The following GNB4 variants were observed in gnomAD, a reference collection of about 807,000 sequenced individuals.
GNB4 encodes guanine nucleotide-binding protein subunit beta-4.
GNB4 carries 28 observed loss-of-function variants against 45.2 expected under a neutral mutation model. That is an observed-to-expected ratio of 0.62 (90% CI 0.46 to 0.85). GNB4 has a LOEUF of 0.85. Ranked by LOEUF, GNB4 falls within the 40% of genes least tolerant of loss-of-function variation. The pLI, the probability that GNB4 is intolerant of heterozygous loss-of-function variation, is 0.00. For missense variants in GNB4, 321 were observed against 425.4 expected, an observed-to-expected ratio of 0.75 and a Z score of 2.16; for synonymous variants, 132 against 143.7, an observed-to-expected ratio of 0.92 and a Z score of 0.58.
At chr3:179,407,777 G>A (rs201924974) in intron 8 of GNB4, among the ~76,000 whole-genome samples, 3 of 151,728 alleles carry the variant, frequency 2.0e-5, no homozygotes, top group Non-Finnish European at 4.4e-5. Context: ...AGCTGCAAAA[G>A]ACACCCAAAA....
the GNB4 span, among the ~76,000 whole-genome samples, chr3:179,486,220 CAAAAAA>C: frequency 3.2e-5 from 4 of 123,858 alleles, no homozygotes; most frequent in African/African-American, 1.2e-4. Context: ...GACTCTGTCT[CAAAAAA>C]AAAAAAAAAA....
chr3:179,433,788 G>A (rs1250466697), intron 1 of GNB4, among the ~76,000 whole-genome samples: 4 of 151,060 alleles, frequency 2.6e-5, no homozygotes, highest in African/African-American at 9.7e-5. Context: ...AATTTTTAAA[G>A]TAATTACTTC....
chr3:179,481,073 A>G, the GNB4 span, among the ~76,000 whole-genome samples: 3 of 151,844 alleles, frequency 2.0e-5, no homozygotes, highest in East Asian at 5.8e-4. Flanking sequence ...GAATGGTCTC[A>G]ATCTCCTGAC....
upstream of GNB4, among the ~76,000 whole-genome samples, chr3:179,453,278 G>A (rs969002772): frequency 3.9e-5 from 6 of 152,076 alleles, no homozygotes; most frequent in African/African-American, 4.8e-5. Flanking sequence ...AAGCCACCAC[G>A]CCCGGCTGAT....
chr3:179,516,356 C>T, the GNB4 span, among the ~76,000 whole-genome samples: 1 of 152,138 alleles, frequency 6.6e-6, no homozygotes, highest in African/African-American at 2.4e-5. Context: ...AAGAAATGAC[C>T]ATGGTGGCCT....
chr3:179,430,611 G>A (rs1715282377), intron 1 of GNB4, among the ~76,000 whole-genome samples: 1 of 146,794 alleles, frequency 6.8e-6, no homozygotes, highest in African/African-American at 2.5e-5. Flanking sequence ...GCATTATCAT[G>A]CCTGGCTAAT....
rs539686356 is a variant in GNB4, at chr3:179,428,647, G to A, written c.-42-2405C>T. 2.8e-3 allele frequency among the ~76,000 whole-genome samples: 433 copies of A among 152,094 alleles called. 5 individuals carry two copies. The highest frequency in any genetic ancestry group is 0.01 in the African/African-American group (424 of 41,470). ...TATCGAGGGACCCTAAAGGGCCTCG[G>A]GACTTTTTAAAAATTTGCAGTTATT... On this transcript the variant is annotated intron_variant, in intron 1 of 9. Transcript: ENST00000232564.
At chr3:179,431,614 T>C (rs1308814977) in intron 1 of GNB4, among the ~76,000 whole-genome samples, 1 of 152,080 alleles carries the variant, frequency 6.6e-6, no homozygotes, top group Admixed American at 6.6e-5. Context: ...CCAATCTGTT[T>C]ACTTCTTATG....
the GNB4 span, among the ~76,000 whole-genome samples, chr3:179,477,923 C>A: frequency 6.6e-6 from 1 of 152,164 alleles, no homozygotes; most frequent in Admixed American, 6.5e-5. Flanking sequence ...CAGTCCCACT[C>A]TCAGTACCAA....
intron 8 of GNB4, chr3:179,405,716 AAT>A (rs34476300): frequency 0.2 from 47,306 of 239,756 alleles, 5,441 homozygotes; most frequent in Admixed American, 0.24. Flanking sequence ...ATATTTATAG[AAT>A]ATATATGTGT....
At chr3:179,507,767 C>T in the GNB4 span, among the ~76,000 whole-genome samples, 1 of 152,212 alleles carries the variant, frequency 6.6e-6, no homozygotes. Context: ...CTCGTGTTTA[C>T]TTCAACAGCA....
intron 2 of GNB4, among the ~76,000 whole-genome samples, chr3:179,422,668 A>G (rs1715026108): frequency 6.6e-6 from 1 of 152,174 alleles, no homozygotes; most frequent in African/African-American, 2.4e-5. Context: ...CTCTATTTGC[A>G]TTTTTTAAAA....
chr3:179,497,986 G>A, the GNB4 span, among the ~76,000 whole-genome samples: 19 of 152,290 alleles, frequency 1.2e-4, no homozygotes, highest in Non-Finnish European at 2.1e-4. Flanking sequence ...CAGTATGGAG[G>A]TTTCCCACAA....
intron 1 of GNB4, among the ~76,000 whole-genome samples, chr3:179,449,509 G>C (rs1030002170): frequency 3.3e-5 from 5 of 152,128 alleles, no homozygotes; most frequent in African/African-American, 4.8e-5. Context: ...TATGGCTCAG[G>C]GGAAAGAACA....
chr3:179,504,255 C>T, the GNB4 span, among the ~76,000 whole-genome samples: 1 of 152,044 alleles, frequency 6.6e-6, no homozygotes, highest in Non-Finnish European at 1.5e-5. Flanking sequence ...TCACCTTCTC[C>T]CATCTCTCCC....
the GNB4 span, among the ~76,000 whole-genome samples, chr3:179,522,422 TAA>T: frequency 6.6e-6 from 1 of 152,218 alleles, no homozygotes; most frequent in South Asian, 2.1e-4. Flanking sequence ...CCCAGTTGAT[TAA>T]AAAGTTTTAT....
chr3:179,438,198 CTCTT>C (rs1157726187), intron 1 of GNB4, among the ~76,000 whole-genome samples: 6 of 152,200 alleles, frequency 3.9e-5, no homozygotes, highest in South Asian at 2.1e-4. Context: ...TGTGTAGTAA[CTCTT>C]TATTTAGTTC....
chr3:179,490,391 G>A, the GNB4 span, among the ~76,000 whole-genome samples: 476 of 152,202 alleles, frequency 3.1e-3, 2 homozygotes, highest in African/African-American at 0.011. Context: ...AGATAGAAGC[G>A]ATAGAAAATA....
At chr3:179,413,890 G>T in intron 6 of GNB4, 109 bp from the exon 7 acceptor site, 1 of 803,224 alleles carries the variant, frequency 1.2e-6, no homozygotes, top group Non-Finnish European at 2.0e-6. Flanking sequence ...GGCAACAAGT[G>T]TTTGTCAATA....
Sources: gnomAD v4.1 joint callset for allele counts (sites outside exome capture counted in the v4.1 genomes callset) on GRCh38, gnomAD v4.1.1 for gene constraint, MANE v1.5 for transcripts, NCBI Gene and HGNC (gene_info 2026-07-23, HGNC 2026-07-21) for gene names.